ANKS6: variants seen among roughly 807,000 people sequenced by gnomAD.
ANKS6 encodes the protein ankyrin repeat and SAM domain-containing protein 6.
Under a neutral mutation model 77.9 loss-of-function variants are expected in ANKS6, and 47 were observed. That is an observed-to-expected ratio of 0.60 (90% CI 0.48 to 0.77). The LOEUF is 0.77. ANKS6 is among the 30% of genes least tolerant of loss of function. The probability of loss-of-function intolerance (pLI) is 0.00; values close to 1 mark genes in which losing one functional copy is unlikely to be tolerated. For missense variants in ANKS6, 1,150 were observed against 1,159.1 expected (o/e 0.99, Z 0.11); for synonymous variants, 488 against 501.7 (o/e 0.97, Z 0.37).
intron 2 of ANKS6, among the ~76,000 whole-genome samples, chr9:98,789,499 G>T (rs935051657): frequency 6.7e-6 from 1 of 149,508 alleles, no homozygotes. Flanking sequence ...AATTTTACAT[G>T]AACTAGTGTT....
chr9:98,777,844 C>T lies in ANKS6; in HGVS notation c.1567+382G>A, dbSNP rs144985734. Among the ~76,000 whole-genome samples, 505 of 152,258 alleles carry T rather than the reference C, an allele frequency of 3.3e-3. 2 individuals are homozygous for T. Among genetic ancestry groups the T allele is most frequent in the African/African-American group, 0.011 (475 of 41,538 alleles). The stretch of plus-strand genomic sequence containing the variant: ...CCAAGCTGTTGAATACCTTGAGTGA[C>T]GGGGAGCTCACTACTCACACCCTCC... On this transcript the variant is annotated intron_variant, in intron 7 of 14. Transcript: ENST00000353234.
chr9:98,783,405 A>G (rs1834389625), intron 4 of ANKS6, among the ~76,000 whole-genome samples: 1 of 152,222 alleles, frequency 6.6e-6, no homozygotes, highest in South Asian at 2.1e-4. Flanking sequence ...CTTAGCAGCT[A>G]CAAGATGCCC....
In ANKS6 at chr9:98,733,855, A is replaced by G. The variant is rs1379744376; in HGVS notation, c.*2664T>C. 2.0e-6 allele frequency: 2 copies of G among 985,110 alleles called. No homozygotes were observed. Among genetic ancestry groups the G allele is most frequent in the Non-Finnish European group, 2.4e-6 (2 of 829,914 alleles). The allele number at this position is 985,110 out of a possible 1,614,324, so 61.0% of individuals were successfully genotyped here. A position where few individuals can be genotyped will look rare whatever the true frequency, so the allele number is the denominator to read the frequency against. On this transcript the variant is annotated 3_prime_UTR_variant, in exon 15 of 15. Transcript: ENST00000353234. ...TACGTTTCTTTATGAAAAACCTATT[A>G]TCCTGTGGAACTAGGGTTCCCAGGA... is the stretch of plus-strand genomic sequence containing the variant.
intron 2 of ANKS6, among the ~76,000 whole-genome samples, chr9:98,787,715 C>T (rs1454500259): frequency 2.0e-5 from 3 of 152,146 alleles, no homozygotes; most frequent in African/African-American, 7.2e-5. Context: ...AGAAAAGAGC[C>T]TTTATTATGA....
At chr9:98,784,227 A>T in intron 3 of ANKS6, 70 bp from the exon 4 acceptor site, 1 of 1,398,250 alleles carries the variant, frequency 7.2e-7, no homozygotes, top group Admixed American at 2.5e-5. Context: ...CCTGTGGTTC[A>T]TGTAACAAAC....
chr9:98,794,098 C>T (rs886096634), intron 1 of ANKS6, among the ~76,000 whole-genome samples: 1 of 135,998 alleles, frequency 7.4e-6, no homozygotes, highest in Non-Finnish European at 1.5e-5. Context: ...TGCAGTGAGT[C>T]GAGATCACGC....
chr9:98,758,361 T>A (rs1442364199), intron 11 of ANKS6, among the ~76,000 whole-genome samples: 21 of 151,912 alleles, frequency 1.4e-4, no homozygotes. Context: ...TAAAAGTATT[T>A]GCCTACTTTC....
At position 98,734,167 on chromosome 9, in the gene ANKS6, C is replaced by G. The variant is rs1831362070; in HGVS notation, c.*2352G>C. On this transcript the variant is annotated 3_prime_UTR_variant, in exon 15 of 15. Coordinates refer to ENST00000353234, the MANE Select transcript of ANKS6 (RefSeq NM_173551.5). The stretch of plus-strand genomic sequence containing the variant: ...AGGGTGCCAGGGACCTCTTGTGAAC[C>G]AGCACACAAACTTCCTAGGATGAAA... The G allele has an allele frequency of 1.0e-6, 1 of 985,302 alleles. No individual in the cohort carries two copies. The highest frequency in any genetic ancestry group is 6.1e-5 in the Admixed American group (1 of 16,270). The allele number at this position is 985,302 out of a possible 1,614,324, so 61.0% of individuals were successfully genotyped here.
chr9:98,790,206 G>A lies in ANKS6; in HGVS notation c.760C>T (p.Leu254Phe). The A allele has an allele frequency of 1.2e-6, 2 of 1,606,268 alleles. No individual in the cohort carries two copies. Residue 254 changes from leucine to phenylalanine, a missense_variant, in exon 2 of 15, where the codon CTC (leucine) becomes TTC (phenylalanine). Physicochemically the swap from Leu to Phe is conservative, Grantham distance 22. Coordinates refer to ENST00000353234, the MANE Select transcript of ANKS6 (RefSeq NM_173551.5). Reference sequence around the variant, plus strand: ...AAGGCGGTCTTCTCCAGCACGCTGAGGTGGTCAGGGTTGGCGCCCTTCTCC... The same window carrying A: ...AAGGCGGTCTTCTCCAGCACGCTGAAGTGGTCAGGGTTGGCGCCCTTCTCC... ...LVEKGANPDH[L>F]SVLEKTAFEV...
Position 98,736,095 on chromosome 9 carries a change from C to T in ANKS6, c.*424G>A, listed in dbSNP as rs1412582073. On this transcript the variant is annotated 3_prime_UTR_variant, in exon 15 of 15. Coordinates refer to ENST00000353234, the MANE Select transcript of ANKS6 (RefSeq NM_173551.5). ...GCATCCAGGTGGGGCCACATGACTA[C>T]CAGTGGCCAAGAGGACGTGAGCAGG... is the stretch of plus-strand genomic sequence containing the variant. 1 of 1,159,594 alleles carries T rather than the reference C, an allele frequency of 8.6e-7. No individual in the cohort carries two copies. Among genetic ancestry groups the T allele is most frequent in the African/African-American group, 1.6e-5 (1 of 62,934 alleles). 71.8% of individuals were successfully genotyped at this position (1,159,594 alleles called of 1,614,324 possible). A position where few individuals can be genotyped will look rare whatever the true frequency, so the allele number is the denominator to read the frequency against.
rs1831459498 is a variant in ANKS6, at chr9:98,735,701, G to A, written c.*818C>T. The A allele has an allele frequency of 4.1e-6, 5 of 1,231,564 alleles. No homozygotes were observed. The highest frequency in any genetic ancestry group is 4.2e-5 in the Admixed American group (1 of 23,702). The allele number at this position is 1,231,564 out of a possible 1,614,324, so 76.3% of individuals were successfully genotyped here. On this transcript the variant is annotated 3_prime_UTR_variant, in exon 15 of 15. Transcript: ENST00000353234. ...GTCTGACCTTCCACTTTGCAGATAA[G>A]GAAACTGAAAGCTAGGAAGAAGAAG...
chr9:98,749,115 C>T (rs1204555127), intron 13 of ANKS6, among the ~76,000 whole-genome samples: 2 of 152,180 alleles, frequency 1.3e-5, no homozygotes, highest in Non-Finnish European at 2.9e-5. Context: ...ATAGAGAGTG[C>T]ACCCCTACAG....
At position 98,771,012 on chromosome 9, in the gene ANKS6, G is replaced by A; in HGVS notation, c.1856C>T (p.Pro619Leu). 4 of 1,592,398 alleles carry A rather than the reference G, an allele frequency of 2.5e-6. No homozygotes were observed. The highest frequency in any genetic ancestry group is 3.4e-6 in the Non-Finnish European group (4 of 1,169,484). The change falls in exon 10 of 15, where the codon CCC (proline) becomes CTC (leucine). Residue 619 changes from proline (P) to leucine (L), a missense_variant. Physicochemically the swap from Pro to Leu is moderately conservative, Grantham distance 98 (BLOSUM62 -3). Transcript: ENST00000353234. ...PVRPVKFPSL[P>L]RSPASSANSG... ...ATTGGCAGAAGAGGCTGGGCTTCTG[G>A]GGAGGCTTGGAAATTTAACAGGCCT...
In ANKS6 at chr9:98,745,679, G is replaced by A; in HGVS notation, c.2395-4C>T. On this transcript the variant is annotated splice_polypyrimidine_tract_variant and splice_region_variant and intron_variant, in intron 13 of 14. Transcript: ENST00000353234. ...TGAGGAACGCTTCCATGTCCACCTG[G>A]GGAGAGAGAGGGGATTTGCCACCAT... is the stretch of plus-strand genomic sequence containing the variant. The A allele has an allele frequency of 6.2e-7, 1 of 1,609,244 alleles. No homozygotes were observed. Among genetic ancestry groups the A allele is most frequent in the Non-Finnish European group, 8.5e-7 (1 of 1,175,580 alleles).
At chr9:98,786,498 G>A (rs1294859295) in intron 2 of ANKS6, among the ~76,000 whole-genome samples, 2 of 151,796 alleles carry the variant, frequency 1.3e-5, no homozygotes, top group Non-Finnish European at 2.9e-5. Flanking sequence ...CACCATCTTG[G>A]CCAGGTTGGT....
At chr9:98,756,186 T>C (rs557257796) in intron 12 of ANKS6, among the ~76,000 whole-genome samples, 4 of 152,270 alleles carry the variant, frequency 2.6e-5, no homozygotes, top group Non-Finnish European at 4.4e-5. Context: ...TTTGTGCATG[T>C]AAACAAAAAT....
intron 14 of ANKS6, among the ~76,000 whole-genome samples, chr9:98,742,196 C>G (rs1427395701): frequency 6.6e-6 from 1 of 152,196 alleles, no homozygotes; most frequent in Non-Finnish European, 1.5e-5. Flanking sequence ...GTTGGCCAAG[C>G]TTGCGTTGCA....
At chr9:98,796,085 G>C in intron 1 of ANKS6, 48 bp downstream of exon 1, 2 of 1,284,352 alleles carry the variant, frequency 1.6e-6, no homozygotes, top group Middle Eastern at 3.0e-4. Context: ...TCTCGGGCCA[G>C]CGCCGGGCAC....
At chr9:98,796,090 G>C (rs1362081925) in intron 1 of ANKS6, 43 bp downstream of exon 1, 1 of 1,286,926 alleles carries the variant, frequency 7.8e-7, no homozygotes, top group Non-Finnish European at 9.8e-7. Context: ...GGCCAGCGCC[G>C]GGCACCACTC....
Sources: allele counts gnomAD v4.1 joint callset (sites outside exome capture counted in the v4.1 genomes callset), GRCh38; gene constraint gnomAD v4.1.1; transcripts MANE v1.5; gene names NCBI Gene and HGNC (gene_info 2026-07-23, HGNC 2026-07-21).